Variants in TEC observed in about 807,000 individuals in gnomAD.
The protein encoded by TEC is tyrosine-protein kinase Tec.
TEC carries 72 observed loss-of-function variants against 93.0 expected under a neutral mutation model. The observed-to-expected ratio is 0.77, with a 90% CI of 0.64 to 0.94. TEC has a LOEUF of 0.94. Among genes scored for constraint, TEC ranks in the 40% least tolerant of loss-of-function variants. TEC has a pLI of 0.00. For synonymous variants in TEC, 249 were observed against 247.7 expected (o/e 1.01, Z -0.05); for missense variants, 630 against 757.9 (o/e 0.83, Z 1.98).
Position 48,167,844 on chromosome 4 carries a change from C to G in TEC, c.605G>C (p.Arg202Thr). The G allele has an allele frequency of 6.2e-7, 1 of 1,613,938 alleles. No individual in the cohort carries two copies. Among genetic ancestry groups the G allele is most frequent in the Non-Finnish European group, 8.5e-7 (1 of 1,179,920 alleles). ...AAEGHDLRLE[R>T]GQEYLILEKN... ...TTCTAAAATGAGATACTCTTGGCCTCTCTCTAATCTGAGATCATGTCCTTC... is the reference window on the plus strand; with the variant it reads ...TTCTAAAATGAGATACTCTTGGCCTGTCTCTAATCTGAGATCATGTCCTTC... Residue 202 changes from arginine (R) to threonine (T), a missense_variant, in exon 7 of 18, where the codon AGA becomes ACA. By Grantham distance (71) the Arg-to-Thr change is moderately conservative (BLOSUM62 -1). Transcript: ENST00000381501.
At chr4:48,202,155 ACTT>A (rs1308772246) in intron 2 of TEC, among the ~76,000 whole-genome samples, 1 of 151,932 alleles carries the variant, frequency 6.6e-6, no homozygotes, top group Non-Finnish European at 1.5e-5. Context: ...CCACACTGGA[ACTT>A]CTTTCAAACA....
chr4:48,150,803 C>A, intron 10 of TEC, 60 bp downstream of exon 10: 1 of 1,250,626 alleles, frequency 8.0e-7, no homozygotes, highest in Admixed American at 2.6e-5. Context: ...TCCATATAAA[C>A]TACATAGGAA....
chr4:48,187,718 A>G (rs1721941170), intron 2 of TEC, among the ~76,000 whole-genome samples: 1 of 152,186 alleles, frequency 6.6e-6, no homozygotes, highest in Non-Finnish European at 1.5e-5. Flanking sequence ...TTACTAACCT[A>G]TGTGTTTTGA....
At chr4:48,160,826 AGAGG>A (rs567012074) in intron 8 of TEC, among the ~76,000 whole-genome samples, 3 of 115,338 alleles carry the variant, frequency 2.6e-5, no homozygotes, top group African/African-American at 3.3e-5. Context: ...AGAGAGAGAC[AGAGG>A]GAGGGAGGGA....
At chr4:48,211,134 C>T (rs1722885653) in intron 2 of TEC, among the ~76,000 whole-genome samples, 1 of 152,184 alleles carries the variant, frequency 6.6e-6, no homozygotes, top group Non-Finnish European at 1.5e-5. Flanking sequence ...AGAATTTGAA[C>T]CCAGATAATC....
intron 2 of TEC, among the ~76,000 whole-genome samples, chr4:48,212,110 A>AAAAAAAAAAAAAATATATAT: frequency 9.8e-5 from 12 of 122,236 alleles, no homozygotes; most frequent in African/African-American, 3.3e-4. Flanking sequence ...AAAAAAAAAA[A>AAAAAAAAAAAAAATATATAT]ATATATATAT....
At chr4:48,252,992 T>C (rs1379562890) in intron 1 of TEC, among the ~76,000 whole-genome samples, 5 of 152,240 alleles carry the variant, frequency 3.3e-5, no homozygotes, top group Admixed American at 2.0e-4. Flanking sequence ...TATGCATTTC[T>C]CAGGGGCTTT....
chr4:48,224,845 A>C (rs1723388743), intron 2 of TEC, among the ~76,000 whole-genome samples: 1 of 152,228 alleles, frequency 6.6e-6, no homozygotes, highest in Non-Finnish European at 1.5e-5. Context: ...CATCATGTTG[A>C]AGAAGCTGTC....
Position 48,157,203 on chromosome 4 carries a change from A to T in TEC, c.738-469T>A, listed in dbSNP as rs549786755. Among the ~76,000 whole-genome samples, 5 of 152,326 alleles carry T rather than the reference A, an allele frequency of 3.3e-5. No individual in the cohort carries two copies. The South Asian group carries it at 8.3e-4, about 25-fold the overall frequency. ...AAACATGCAGGAAGTGTCCCTTTGTATTATTGTCTGTAATTCAAACTAAAT... is the reference window on the plus strand; with the variant it reads ...AAACATGCAGGAAGTGTCCCTTTGTTTTATTGTCTGTAATTCAAACTAAAT... On this transcript the variant is annotated intron_variant, in intron 8 of 17. Coordinates refer to ENST00000381501, the MANE Select transcript of TEC (RefSeq NM_003215.3).
intron 1 of TEC, among the ~76,000 whole-genome samples, chr4:48,244,253 A>G (rs1471907031): frequency 1.3e-5 from 2 of 152,202 alleles, no homozygotes; most frequent in Non-Finnish European, 2.9e-5. Flanking sequence ...CCATTTTCAC[A>G]CTGCTGATAA....
intron 1 of TEC, among the ~76,000 whole-genome samples, chr4:48,241,883 TG>T (rs1373078878): frequency 4.6e-5 from 7 of 152,342 alleles, no homozygotes; most frequent in African/African-American, 1.7e-4. Context: ...AGAAATAATT[TG>T]AGACATTCAT....
chr4:48,256,225 G>GAACT (rs1724338988), intron 1 of TEC, among the ~76,000 whole-genome samples: 2 of 152,060 alleles, frequency 1.3e-5, no homozygotes, highest in African/African-American at 2.4e-5. Flanking sequence ...AATGCCATGG[G>GAACT]ACCAACTACC....
chr4:48,171,473 T>C (rs373167165), intron 3 of TEC, 24 bp from the exon 4 acceptor site: 76 of 1,605,006 alleles, frequency 4.7e-5, no homozygotes, highest in Non-Finnish European at 5.7e-5. Flanking sequence ...AAAGATGGAA[T>C]TGGTGAAGAG....
intron 2 of TEC, among the ~76,000 whole-genome samples, chr4:48,214,957 A>T (rs1375155377): frequency 6.6e-6 from 1 of 152,124 alleles, no homozygotes; most frequent in African/African-American, 2.4e-5. Context: ...ATTCAAGACC[A>T]GCCTGACTAA....
At chr4:48,258,632 T>C (rs1211789646) in intron 1 of TEC, among the ~76,000 whole-genome samples, 5 of 152,216 alleles carry the variant, frequency 3.3e-5, no homozygotes, top group Admixed American at 2.6e-4. Flanking sequence ...CAGCTATGCC[T>C]AACCTTTGTT....
intron 2 of TEC, among the ~76,000 whole-genome samples, chr4:48,192,768 T>C (rs1722137433): frequency 1.3e-5 from 2 of 152,164 alleles, no homozygotes; most frequent in Non-Finnish European, 2.9e-5. Context: ...TTATTCCAAC[T>C]TAGAAAGAAC....
chr4:48,201,995 C>T (rs1339485500), intron 2 of TEC, among the ~76,000 whole-genome samples: 4 of 133,372 alleles, frequency 3.0e-5, no homozygotes, highest in African/African-American at 8.7e-5. Flanking sequence ...CTCGCTCTGT[C>T]GCCCAGGCTG....
intron 1 of TEC, among the ~76,000 whole-genome samples, chr4:48,230,518 G>A (rs1267565541): frequency 2.0e-5 from 3 of 152,190 alleles, no homozygotes; most frequent in Middle Eastern, 6.3e-3. Context: ...CATGAGAGTA[G>A]CTTCCCAATT....
chr4:48,177,135 A>G (rs1365709969), intron 2 of TEC, among the ~76,000 whole-genome samples: 1 of 152,242 alleles, frequency 6.6e-6, no homozygotes, highest in African/African-American at 2.4e-5. Context: ...ACCTTTAAGC[A>G]TAGTTATCCC....
Sources: allele counts gnomAD v4.1 joint callset (sites outside exome capture counted in the v4.1 genomes callset), GRCh38; gene constraint gnomAD v4.1.1; transcripts MANE v1.5; gene names NCBI Gene and HGNC (gene_info 2026-07-23, HGNC 2026-07-21).